Variants in CHRNA2 observed in about 807,000 individuals in gnomAD.
CHRNA2 encodes the protein cholinergic receptor nicotinic alpha 2 subunit, also known as neuronal acetylcholine receptor subunit alpha-2.
Under a neutral mutation model 45.5 loss-of-function variants are expected in CHRNA2, and 40 were observed. The observed-to-expected ratio is 0.88, with a 90% CI of 0.68 to 1.15. The LOEUF (loss-of-function observed/expected upper bound fraction) is 1.15. Ranked by LOEUF, CHRNA2 falls within the 50% of genes most tolerant of loss-of-function variation. The pLI is 0.00. For missense variants in CHRNA2, 655 were observed against 701.7 expected, an observed-to-expected ratio of 0.93 and a Z score of 0.75; for synonymous variants, 301 against 296.7, an observed-to-expected ratio of 1.01 and a Z score of -0.15.
In CHRNA2 at chr8:27,471,092, G is replaced by A; in HGVS notation, c.-34C>T. The A allele has an allele frequency of 6.3e-7, 1 of 1,598,968 alleles. No homozygotes were observed. Among genetic ancestry groups the A allele is most frequent in the Non-Finnish European group, 8.6e-7 (1 of 1,166,710 alleles). ...CTGAGCATCAGGAGGTCAGGTCAGG[G>A]CTTTGCTGTGGGTTGCACCATGGAC... On this transcript the variant is annotated 5_prime_UTR_variant, in exon 2 of 7. Coordinates refer to ENST00000407991, the MANE Select transcript of CHRNA2 (RefSeq NM_000742.4).
At chr8:27,476,454 T>TTGA (rs1813063450) in intron 1 of CHRNA2, among the ~76,000 whole-genome samples, 1 of 152,204 alleles carries the variant, frequency 6.6e-6, no homozygotes, top group Admixed American at 6.5e-5. Flanking sequence ...GCTTGAGTTG[T>TTGA]GTTGAGTTGA....
intron 1 of CHRNA2, among the ~76,000 whole-genome samples, chr8:27,472,087 C>G (rs1320600445): frequency 6.6e-6 from 1 of 152,194 alleles, no homozygotes; most frequent in African/African-American, 2.4e-5. Context: ...ATTGGAGGTT[C>G]CTGAGGGGTG....
chr8:27,462,689 C>T (rs915392542), intron 6 of CHRNA2, among the ~76,000 whole-genome samples: 10 of 152,212 alleles, frequency 6.6e-5, no homozygotes, highest in Admixed American at 2.0e-4. Context: ...GAGGGAGGCA[C>T]GGGGTTCAGC....
At position 27,463,016 on chromosome 8, in the gene CHRNA2, A is replaced by G. The variant is rs746763295; in HGVS notation, c.1427T>C (p.Ile476Thr). 5.0e-6 allele frequency: 8 copies of G among 1,613,982 alleles called. No homozygotes were observed. In the South Asian group the frequency reaches 7.7e-5, roughly 16 times the overall value. The change falls in exon 6 of 7, where the codon ATT (isoleucine) becomes ACT (threonine). Residue 476 changes from isoleucine (I) to threonine (T), a missense_variant. By Grantham distance (89) the Ile-to-Thr change is moderately conservative. Coordinates refer to ENST00000407991, the MANE Select transcript of CHRNA2 (RefSeq NM_000742.4). The surrounding 1 kb of genome is among the most constrained non-coding windows in gnomAD (Gnocchi z 6.1). ...MQKALEGVHY[I>T]ADHLRSEDAD... ...ATCCTCAGACCGCAGGTGGTCGGCA[A>G]TGTAGTGCACACCTTCCAGTGCCTT...
At chr8:27,462,902 C>T in intron 6 of CHRNA2, 77 bp downstream of exon 6, 1 of 1,592,572 alleles carries the variant, frequency 6.3e-7, no homozygotes, top group Non-Finnish European at 8.6e-7. Flanking sequence ...TGCCCAAGCT[C>T]ACACTCTGCG....
chr8:27,476,822 C>T lies in CHRNA2; in HGVS notation c.-137+2002G>A, dbSNP rs1813073894. ...CACAGGGCTGATTTGGGGCAGGGAA[C>T]GAGGATTTCAGAATCCCCCTTGATG... On this transcript the variant is annotated intron_variant, in intron 1 of 6. Transcript: ENST00000407991. 2.6e-5 allele frequency among the ~76,000 whole-genome samples: 4 copies of T among 152,186 alleles called. No individual in the cohort carries two copies. The South Asian group carries it at 8.3e-4, about 32-fold the overall frequency.
At position 27,467,228 on chromosome 8, in the gene CHRNA2, C is replaced by T; in HGVS notation, c.449+1G>A. On this transcript the variant is annotated splice_donor_variant, in intron 5 of 6. Transcript: ENST00000407991. LOFTEE classifies it high-confidence loss of function. ...CCCCCAGGACCCCAATGGCTTCCTACTTGTTGTAGAGAACAATGTCGGGGA... is the reference window on the plus strand; with the variant it reads ...CCCCCAGGACCCCAATGGCTTCCTATTTGTTGTAGAGAACAATGTCGGGGA... 3 of 1,611,738 alleles carry T rather than the reference C, an allele frequency of 1.9e-6. No individual in the cohort carries two copies. Among genetic ancestry groups the T allele is most frequent in the Non-Finnish European group, 2.5e-6 (3 of 1,177,818 alleles).
intron 4 of CHRNA2, among the ~76,000 whole-genome samples, chr8:27,467,726 C>T (rs765007044): frequency 1.3e-5 from 2 of 152,178 alleles, no homozygotes; most frequent in Non-Finnish European, 2.9e-5. Flanking sequence ...AAAGCCTCCA[C>T]GGGAGAGCCA....
intron 5 of CHRNA2, among the ~76,000 whole-genome samples, chr8:27,465,769 A>AT (rs1429010098): frequency 6.6e-6 from 1 of 152,148 alleles, no homozygotes; most frequent in African/African-American, 2.4e-5. Context: ...ATCACAAACA[A>AT]TGACCACTAG....
At chr8:27,465,492 T>C (rs1812669843) in intron 5 of CHRNA2, among the ~76,000 whole-genome samples, 1 of 151,974 alleles carries the variant, frequency 6.6e-6, no homozygotes, top group South Asian at 2.1e-4. Context: ...AGTGCAGGGG[T>C]GTGATCTCGG....
Position 27,477,895 on chromosome 8 carries a change from C to T in CHRNA2, c.-137+929G>A, listed in dbSNP as rs142868520. Among the ~76,000 whole-genome samples the T allele has an allele frequency of 3.0e-3, 461 of 152,260 alleles. 2 individuals are homozygous for T. Among genetic ancestry groups the T allele is most frequent in the African/African-American group, 9.1e-3 (376 of 41,542 alleles). On this transcript the variant is annotated intron_variant, in intron 1 of 6. Coordinates refer to ENST00000407991, the MANE Select transcript of CHRNA2 (RefSeq NM_000742.4). ...CCCACTGGGCTTGTGTCGCTGCTCACGTACACCAGTTCCAGGCCACCCCCA... is the reference window on the plus strand; with the variant it reads ...CCCACTGGGCTTGTGTCGCTGCTCATGTACACCAGTTCCAGGCCACCCCCA...
chr8:27,470,220 G>A (rs1350015495), intron 2 of CHRNA2, among the ~76,000 whole-genome samples: 1 of 152,188 alleles, frequency 6.6e-6, no homozygotes, highest in Admixed American at 6.5e-5. Flanking sequence ...AGGGGCAGGG[G>A]CAGAGGCAGG....
intron 1 of CHRNA2, among the ~76,000 whole-genome samples, chr8:27,475,765 A>G (rs1813042040): frequency 6.6e-6 from 1 of 152,230 alleles, no homozygotes; most frequent in South Asian, 2.1e-4. Context: ...GTTCATCTGG[A>G]ATCACCTTAG....
rs1376199296 is a variant in CHRNA2 at position 27,470,073 on chromosome 8, T to C, written c.74-92A>G. The C allele has an allele frequency of 1.5e-5, 18 of 1,167,892 alleles. No homozygotes were observed. The South Asian group carries it at 2.1e-4, about 14-fold the overall frequency. The allele number at this position is 1,167,892 out of a possible 1,614,324, so 72.3% of individuals were successfully genotyped here. A position where few individuals can be genotyped will look rare whatever the true frequency, so the allele number is the denominator to read the frequency against. ...CTTATCCAGAACCTATCTCAAAACA[T>C]TGTTGAAGATGGCAGATGATAATGT... is the stretch of plus-strand genomic sequence containing the variant. On this transcript the variant is annotated intron_variant, in intron 2 of 6. Transcript: ENST00000407991.
intron 1 of CHRNA2, among the ~76,000 whole-genome samples, chr8:27,472,648 G>A (rs897370754): frequency 5.3e-5 from 8 of 152,184 alleles, no homozygotes; most frequent in African/African-American, 1.7e-4. Context: ...CAGGGGCAGC[G>A]GGAAGGAGGG....
chr8:27,465,533 G>A (rs894815932), intron 5 of CHRNA2, among the ~76,000 whole-genome samples: 3 of 152,040 alleles, frequency 2.0e-5, no homozygotes, highest in African/African-American at 7.2e-5. Flanking sequence ...CCAGGTTCAA[G>A]CAATTCTCCT....
chr8:27,461,895 A>G (rs1246550638), intron 6 of CHRNA2, 141 bp from the exon 7 acceptor site: 12 of 1,185,358 alleles, frequency 1.0e-5, no homozygotes, highest in Admixed American at 9.0e-5. Context: ...AGGTCAGCAC[A>G]GGGAGCGGGG....
At chr8:27,469,460 T>C in intron 3 of CHRNA2, 81 bp from the exon 4 acceptor site, 1 of 1,426,524 alleles carries the variant, frequency 7.0e-7, no homozygotes, top group Non-Finnish European at 9.7e-7. Context: ...TGGGCTGTTT[T>C]CAGACCCTCT....
At chr8:27,465,798 T>C (rs991568076) in intron 5 of CHRNA2, among the ~76,000 whole-genome samples, 15 of 152,158 alleles carry the variant, frequency 9.9e-5, no homozygotes, top group African/African-American at 1.7e-4. Context: ...ATGTGCTCAC[T>C]TGGGGGAAGG....
Sources: allele counts gnomAD v4.1 joint callset (sites outside exome capture counted in the v4.1 genomes callset), GRCh38; gene constraint gnomAD v4.1.1; non-coding constraint Gnocchi (gnomAD v3.1); transcripts MANE v1.5; gene names NCBI Gene and HGNC (gene_info 2026-07-23, HGNC 2026-07-21).